The following BRINP3 variants were observed in gnomAD, a reference collection of about 807,000 sequenced individuals.
The protein encoded by BRINP3 is BMP/retinoic acid-inducible neural-specific protein 3.
Under a neutral mutation model 71.0 loss-of-function variants are expected in BRINP3, and 19 were observed. That is an observed-to-expected ratio of 0.27 (90% CI 0.19 to 0.39). BRINP3 has a LOEUF of 0.39. Among genes scored for constraint, BRINP3 ranks in the 10% least tolerant of loss-of-function variants. The pLI is 1.00. For synonymous variants in BRINP3, 380 were observed against 337.7 expected (o/e 1.13, Z -1.37); for missense variants, 959 against 940.8 (o/e 1.02, Z -0.25).
intron 2 of BRINP3, among the ~76,000 whole-genome samples, chr1:190,298,141 G>A (rs1466575352): frequency 6.6e-6 from 1 of 152,006 alleles, no homozygotes; most frequent in East Asian, 1.9e-4. Context: ...GTATTCCTAA[G>A]TATCCTCTTA....
chr1:190,306,342 C>T (rs1665097771), intron 2 of BRINP3, among the ~76,000 whole-genome samples: 1 of 151,626 alleles, frequency 6.6e-6, no homozygotes, highest in Admixed American at 6.6e-5. Context: ...AAAGGAGTAT[C>T]TGAATTTAAA....
chr1:190,268,751 C>T (rs1661859810), intron 3 of BRINP3, among the ~76,000 whole-genome samples: 1 of 151,936 alleles, frequency 6.6e-6, no homozygotes, highest in South Asian at 2.1e-4. Context: ...TAGACTGAAA[C>T]ACACGAATAT....
chr1:190,285,119 T>C (rs1004417011), intron 2 of BRINP3, among the ~76,000 whole-genome samples: 1 of 152,134 alleles, frequency 6.6e-6, no homozygotes, highest in African/African-American at 2.4e-5. Context: ...TTATAAAGTT[T>C]TTCTGGAAAC....
chr1:190,354,771 G>A (rs1167235355), intron 2 of BRINP3, among the ~76,000 whole-genome samples: 1 of 124,216 alleles, frequency 8.1e-6, no homozygotes, highest in Admixed American at 8.1e-5. Flanking sequence ...TCTTCTAAGT[G>A]TTTTTTTTTT....
intron 7 of BRINP3, among the ~76,000 whole-genome samples, chr1:190,156,692 A>C (rs1656897448): frequency 6.6e-6 from 1 of 152,060 alleles, no homozygotes; most frequent in African/African-American, 2.4e-5. Flanking sequence ...TGTGGTGACT[A>C]ATAGTCAACT....
chr1:190,311,951 C>A (rs1459614713), intron 2 of BRINP3, among the ~76,000 whole-genome samples: 2 of 145,224 alleles, frequency 1.4e-5, no homozygotes, highest in Non-Finnish European at 3.0e-5. Context: ...AATATAAATT[C>A]AAAACATGTT....
At chr1:190,135,492 C>G (rs2102367451) in intron 7 of BRINP3, among the ~76,000 whole-genome samples, 1 of 152,106 alleles carries the variant, frequency 6.6e-6, no homozygotes, top group Non-Finnish European at 1.5e-5. Flanking sequence ...AAATGGGCAA[C>G]AGAAACCACT....
chr1:190,293,552 GTTTAAC>G (rs1411465614), intron 2 of BRINP3, among the ~76,000 whole-genome samples: 1 of 152,128 alleles, frequency 6.6e-6, no homozygotes, highest in African/African-American at 2.4e-5. Flanking sequence ...CTGGAGCATA[GTTTAAC>G]TTTGATGTTT....
At chr1:190,338,066 T>G (rs1486006355) in intron 2 of BRINP3, among the ~76,000 whole-genome samples, 1 of 152,052 alleles carries the variant, frequency 6.6e-6, no homozygotes, top group Non-Finnish European at 1.5e-5. Context: ...CCCTCCCTAT[T>G]GCAATGATTC....
intron 2 of BRINP3, among the ~76,000 whole-genome samples, chr1:190,341,718 GA>G (rs976188604): frequency 1.3e-5 from 2 of 151,306 alleles, no homozygotes; most frequent in South Asian, 2.1e-4. Flanking sequence ...TTCCATAGTT[GA>G]AAAAAAATTA....
chr1:190,142,114 T>C (rs1655506826), intron 7 of BRINP3, among the ~76,000 whole-genome samples: 1 of 152,168 alleles, frequency 6.6e-6, no homozygotes, highest in African/African-American at 2.4e-5. Flanking sequence ...TTTCTACCTA[T>C]AGAAGAAAAT....
At chr1:190,219,649 C>T (rs1280760446) in intron 6 of BRINP3, among the ~76,000 whole-genome samples, 1 of 151,706 alleles carries the variant, frequency 6.6e-6, no homozygotes, top group African/African-American at 2.4e-5. Context: ...ACCATCCTGG[C>T]CAACATGGTG....
intron 2 of BRINP3, among the ~76,000 whole-genome samples, chr1:190,444,676 C>T (rs1675087699): frequency 6.6e-6 from 1 of 152,026 alleles, no homozygotes; most frequent in African/African-American, 2.4e-5. Flanking sequence ...CTGGGATTTA[C>T]AGGCGCGCAC....
chr1:190,422,218 A>G (rs1673433481), intron 2 of BRINP3, among the ~76,000 whole-genome samples: 2 of 151,842 alleles, frequency 1.3e-5, no homozygotes, highest in Non-Finnish European at 2.9e-5. Context: ...GAAGCATTTA[A>G]AAGTGTGCCT....
intron 2 of BRINP3, among the ~76,000 whole-genome samples, chr1:190,380,873 T>C (rs1320095466): frequency 6.6e-6 from 1 of 152,166 alleles, no homozygotes; most frequent in Non-Finnish European, 1.5e-5. Flanking sequence ...GATTAATGCC[T>C]AGGCTCATTT....
intron 4 of BRINP3, among the ~76,000 whole-genome samples, chr1:190,237,975 C>T (rs1658687549): frequency 1.3e-5 from 2 of 151,912 alleles, no homozygotes; most frequent in African/African-American, 4.8e-5. Context: ...GGATTTTGCC[C>T]ATCCTATATT....
intron 7 of BRINP3, among the ~76,000 whole-genome samples, chr1:190,116,439 C>T (rs549382103): frequency 1.2e-4 from 19 of 152,112 alleles, no homozygotes; most frequent in Non-Finnish European, 1.0e-4. Context: ...TTCATAGTTT[C>T]GTAATATCTC....
At chr1:190,212,514 A>T (rs913441293) in intron 6 of BRINP3, among the ~76,000 whole-genome samples, 6 of 152,116 alleles carry the variant, frequency 3.9e-5, no homozygotes, top group African/African-American at 1.4e-4. Flanking sequence ...CTCATCTGAG[A>T]TTATATGGAT....
intron 2 of BRINP3, among the ~76,000 whole-genome samples, chr1:190,376,654 T>G (rs958914541): frequency 1.3e-5 from 2 of 152,078 alleles, no homozygotes; most frequent in African/African-American, 4.8e-5. Flanking sequence ...GATATCATAT[T>G]ATAATTTCTT....
Sources: gnomAD v4.1 joint callset for allele counts (sites outside exome capture counted in the v4.1 genomes callset) on GRCh38, gnomAD v4.1.1 for gene constraint, MANE v1.5 for transcripts, NCBI Gene and HGNC (gene_info 2026-07-23, HGNC 2026-07-21) for gene names.